DCC: variants seen among roughly 807,000 people sequenced by gnomAD.
DCC encodes the protein netrin receptor DCC.
Under a neutral mutation model 172.5 loss-of-function variants are expected in DCC, and 58 were observed. The ratio of observed to expected loss-of-function variants is 0.34; its 90% CI spans 0.27 to 0.42. DCC has a LOEUF of 0.42. Among genes scored for constraint, DCC ranks in the 10% least tolerant of loss-of-function variants. The pLI is 1.00. For missense variants in DCC, 1,740 were observed against 1,791.0 expected, an observed-to-expected ratio of 0.97 and a Z score of 0.51; for synonymous variants, 709 against 644.5, an observed-to-expected ratio of 1.10 and a Z score of -1.52.
chr18:52,857,803 T>G (rs1221774422), intron 2 of DCC, among the ~76,000 whole-genome samples: 1 of 152,172 alleles, frequency 6.6e-6, no homozygotes, highest in Non-Finnish European at 1.5e-5. Flanking sequence ...TCGCTGTCAG[T>G]CTGTGGGCTG....
chr18:53,351,319 T>TATATA (rs1568074615), intron 15 of DCC, among the ~76,000 whole-genome samples: 844 of 22,118 alleles, frequency 0.038, 42 homozygotes, highest in Non-Finnish European at 0.066. Flanking sequence ...ATATATACAC[T>TATATA]GTATATATAT....
chr18:52,572,808 T>C lies in DCC; in HGVS notation c.92-179246T>C, dbSNP rs139211343. 1.8e-3 allele frequency among the ~76,000 whole-genome samples: 277 copies of C among 152,298 alleles called. 1 individual carries two copies. Among genetic ancestry groups the C allele is most frequent in the African/African-American group, 6.3e-3 (264 of 41,576 alleles). On this transcript the variant is annotated intron_variant, in intron 1 of 28. Transcript: ENST00000442544. Reference sequence around the variant, plus strand: ...GGGAGACTCCTTACATTAGGAATAATTGAATGTGGAGAATAATCCCTATTC... The same window carrying C: ...GGGAGACTCCTTACATTAGGAATAACTGAATGTGGAGAATAATCCCTATTC...
chr18:53,344,781 T>C (rs1376260383), intron 15 of DCC, among the ~76,000 whole-genome samples: 1 of 151,806 alleles, frequency 6.6e-6, no homozygotes, highest in Non-Finnish European at 1.5e-5. Context: ...ATGTCTGATA[T>C]TGCATATTGC....
chr18:53,330,090 C>T (rs918253708), intron 14 of DCC, among the ~76,000 whole-genome samples: 2 of 152,142 alleles, frequency 1.3e-5, no homozygotes, highest in African/African-American at 2.4e-5. Flanking sequence ...AGGGTAAAGT[C>T]ATCACATCTT....
At chr18:52,414,329 C>T (rs1046076039) in intron 1 of DCC, among the ~76,000 whole-genome samples, 17 of 152,048 alleles carry the variant, frequency 1.1e-4, no homozygotes, top group African/African-American at 4.1e-4. Context: ...GGTGATCCAC[C>T]CACCTCAGCC....
At chr18:53,261,162 A>T (rs544920644) in intron 12 of DCC, among the ~76,000 whole-genome samples, 2 of 152,230 alleles carry the variant, frequency 1.3e-5, no homozygotes, top group South Asian at 4.1e-4. Context: ...GGGTGAGGTG[A>T]TGCCTCGCCC....
chr18:53,165,537 T>A (rs1302188255), intron 8 of DCC, among the ~76,000 whole-genome samples: 1 of 152,216 alleles, frequency 6.6e-6, no homozygotes, highest in Admixed American at 6.5e-5. Flanking sequence ...GCTTAAAGCT[T>A]GGCAAAGTTA....
intron 2 of DCC, among the ~76,000 whole-genome samples, chr18:52,809,810 TG>T (rs2038160637): frequency 6.6e-6 from 1 of 152,182 alleles, no homozygotes; most frequent in South Asian, 2.1e-4. Context: ...CTCGAATGCC[TG>T]GGGTTTATAT....
chr18:53,101,897 A>G (rs2043179113), intron 7 of DCC, among the ~76,000 whole-genome samples: 1 of 151,832 alleles, frequency 6.6e-6, no homozygotes, highest in East Asian at 1.9e-4. Flanking sequence ...TAGAAGTCCC[A>G]AGTGCCCCAC....
intron 2 of DCC, among the ~76,000 whole-genome samples, chr18:52,834,266 ATTCATCTCATATCTTAACGGAAAC>A (rs1240440042): frequency 6.6e-6 from 1 of 152,190 alleles, no homozygotes; most frequent in Non-Finnish European, 1.5e-5. Flanking sequence ...TTGAAGTCCA[ATTCATCTCATATCTTAACGGAAAC>A]ATACAACATT....
rs1016659150 is a variant in DCC at position 53,228,389 on chromosome 18, T to C, written c.1911+12792T>C. Among the ~76,000 whole-genome samples the C allele has an allele frequency of 2.0e-5, 3 of 152,220 alleles. No homozygotes were observed. In the East Asian group the frequency reaches 5.8e-4, roughly 29 times the overall value. ...TATTTCTTTCATTAATTAGTTTGTT[T>C]GTTTAATGATAAATATTCATTGAAT... On this transcript the variant is annotated intron_variant, in intron 12 of 28. Coordinates refer to ENST00000442544, the MANE Select transcript of DCC (RefSeq NM_005215.4).
chr18:52,393,697 T>C (rs1986114011), intron 1 of DCC, among the ~76,000 whole-genome samples: 1 of 152,074 alleles, frequency 6.6e-6, no homozygotes, highest in Admixed American at 6.6e-5. Flanking sequence ...AACCTGTTCA[T>C]ACTTACAACA....
intron 5 of DCC, among the ~76,000 whole-genome samples, chr18:53,061,324 T>C (rs1015510825): frequency 6.6e-6 from 1 of 152,062 alleles, no homozygotes; most frequent in African/African-American, 2.4e-5. Flanking sequence ...TTTCTATTCC[T>C]ACTCTCTCTT....
chr18:52,928,409 C>T (rs1330116308), intron 5 of DCC, among the ~76,000 whole-genome samples: 3 of 152,074 alleles, frequency 2.0e-5, no homozygotes, highest in Non-Finnish European at 4.4e-5. Context: ...ATATAACAAA[C>T]CTGTACTTGT....
At position 53,365,372 on chromosome 18, in the gene DCC, C is replaced by T. The variant is rs1208119817; in HGVS notation, c.2360-20671C>T. 2.0e-5 allele frequency among the ~76,000 whole-genome samples: 3 copies of T among 149,496 alleles called. 1 individual carries two copies. Among genetic ancestry groups the T allele is most frequent in the Admixed American group, 6.7e-5 (1 of 15,006 alleles). On this transcript the variant is annotated intron_variant, in intron 15 of 28. Transcript: ENST00000442544. ...AAGTCTTTGCTATTGTGCACAGGTA[C>T]CCTAGAACTTAAAGTACAGTAATAT... is the stretch of plus-strand genomic sequence containing the variant.
At chr18:53,240,026 T>TAAAAAAAAAAAAA (rs68158437) in intron 12 of DCC, among the ~76,000 whole-genome samples, 1 of 69,066 alleles carries the variant, frequency 1.4e-5, no homozygotes, top group African/African-American at 4.7e-5. Context: ...GTTCTAGAGT[T>TAAAAAAAAAAAAA]AAAAAAAAAA....
intron 12 of DCC, among the ~76,000 whole-genome samples, chr18:53,219,576 C>T (rs1232608663): frequency 6.6e-6 from 1 of 152,054 alleles, no homozygotes; most frequent in Admixed American, 6.6e-5. Flanking sequence ...CTGTTGAAAT[C>T]CTTATTCTTG....
intron 27 of DCC, among the ~76,000 whole-genome samples, chr18:53,515,794 A>C (rs1161310111): frequency 1.3e-5 from 2 of 152,060 alleles, no homozygotes; most frequent in African/African-American, 2.4e-5. Flanking sequence ...TCAAGGAAAT[A>C]AAAGAGGATA....
intron 1 of DCC, among the ~76,000 whole-genome samples, chr18:52,419,839 AT>A (rs1354893363): frequency 3.3e-5 from 5 of 152,186 alleles, no homozygotes; most frequent in African/African-American, 1.2e-4. Flanking sequence ...ATATATGGGA[AT>A]TATATTAGTT....
Sources: gnomAD v4.1 joint callset for allele counts (sites outside exome capture counted in the v4.1 genomes callset) on GRCh38, gnomAD v4.1.1 for gene constraint, MANE v1.5 for transcripts, NCBI Gene and HGNC (gene_info 2026-07-23, HGNC 2026-07-21) for gene names.